Variants in CXXC5 observed in about 807,000 individuals in gnomAD.
The protein encoded by CXXC5 is CXXC-type zinc finger protein 5.
Under a neutral mutation model 17.6 loss-of-function variants are expected in CXXC5, and 2 were observed. The ratio of observed to expected loss-of-function variants is 0.11; its 90% CI spans 0.05 to 0.36. The LOEUF is 0.36. CXXC5 is among the 10% of genes least tolerant of loss of function. The pLI is 1.00. For missense variants in CXXC5, 343 were observed against 458.3 expected, an observed-to-expected ratio of 0.75 and a Z score of 2.30; for synonymous variants, 171 against 193.0, an observed-to-expected ratio of 0.89 and a Z score of 0.94.
At chr5:139,676,631 G>A (rs1313135288) in intron 1 of CXXC5, among the ~76,000 whole-genome samples, 2 of 137,426 alleles carry the variant, frequency 1.5e-5, no homozygotes, top group African/African-American at 5.6e-5. Context: ...GTCTGATCTG[G>A]TCTCCTCGCC....
At chr5:139,653,691 C>G (rs1243360510) in intron 1 of CXXC5, among the ~76,000 whole-genome samples, 1 of 152,198 alleles carries the variant, frequency 6.6e-6, no homozygotes, top group East Asian at 1.9e-4. Context: ...ACTGACTGGG[C>G]CAAGTCACCT....
intron 1 of CXXC5, among the ~76,000 whole-genome samples, chr5:139,652,147 GGCGC>G (rs34430057): frequency 0.034 from 4,681 of 136,496 alleles, 187 homozygotes; most frequent in African/African-American, 0.094. Flanking sequence ...CCTAGCCGCC[GGCGC>G]GCGCGCGCGC....
intron 1 of CXXC5, among the ~76,000 whole-genome samples, chr5:139,677,839 AGAGCGCCAGCCCT>A (rs1756939980): frequency 6.6e-6 from 1 of 152,378 alleles, no homozygotes; most frequent in South Asian, 2.1e-4. Context: ...ACACTCAGCC[AGAGCGCCAGCCCT>A]GAGCGCAGGC....
Position 139,680,948 on chromosome 5 carries a change from C to T in CXXC5, c.425C>T (p.Ala142Val). 2 of 1,601,752 alleles carry T rather than the reference C, an allele frequency of 1.2e-6. No homozygotes were observed. The highest frequency in any genetic ancestry group is 2.2e-5 in the East Asian group (1 of 44,870). ...TCAAAGCACAAAAGTGGTGCTGTGG[C>T]CAGCCTGCTGAGCAAGGCAGAGCGG... is the stretch of plus-strand genomic sequence containing the variant. Reference protein sequence around the residue: ...PTSKHKSGAVASLLSKAERAT... With the variant: ...PTSKHKSGAVVSLLSKAERAT... Residue 142 changes from alanine (A) to valine (V), a missense_variant, in exon 2 of 3, where the codon GCC (alanine) becomes GTC (valine). Physicochemically the swap from Ala to Val is moderately conservative, Grantham distance 64. Coordinates refer to ENST00000302517, the MANE Select transcript of CXXC5 (RefSeq NM_016463.9).
At chr5:139,682,814 C>G in intron 2 of CXXC5, 49 bp from the exon 3 acceptor site, 3 of 1,552,324 alleles carry the variant, frequency 1.9e-6, no homozygotes, top group East Asian at 2.5e-5. Flanking sequence ...CAGGCCTACC[C>G]GGACCCTGAC....
rs930249716 is a variant in CXXC5, at chr5:139,661,404, C to T, written c.-161+12559C>T. ...CACTTGCAGCACACGTAGTTCCACA[C>T]GACTCAGCACACCCAGCCGACACGC... On this transcript the variant is annotated intron_variant, in intron 1 of 2. Coordinates refer to ENST00000302517, the MANE Select transcript of CXXC5 (RefSeq NM_016463.9). The surrounding 1 kb of genome is among the most constrained non-coding windows in gnomAD (Gnocchi z 4.7). Among the ~76,000 whole-genome samples the T allele has an allele frequency of 6.6e-6, 1 of 152,188 alleles. No homozygotes were observed. Among genetic ancestry groups the T allele is most frequent in the Non-Finnish European group, 1.5e-5 (1 of 68,026 alleles).
Position 139,661,362 on chromosome 5 carries a change from C to T in CXXC5, c.-161+12517C>T, listed in dbSNP as rs1365905819. Among the ~76,000 whole-genome samples, 1 of 152,162 alleles carries T rather than the reference C, an allele frequency of 6.6e-6. No individual in the cohort carries two copies. The highest frequency in any genetic ancestry group is 1.9e-4 in the East Asian group (1 of 5,200). ...CACACGCGGCACACCCAGGCACACA[C>T]TTAGGACAGACACAGTCACTTGCAG... On this transcript the variant is annotated intron_variant, in intron 1 of 2. Coordinates refer to ENST00000302517, the MANE Select transcript of CXXC5 (RefSeq NM_016463.9). This position sits in a 1 kb window ranked among gnomAD's most constrained non-coding sequence, Gnocchi z 4.7.
intron 1 of CXXC5, among the ~76,000 whole-genome samples, chr5:139,653,946 C>T (rs1755348198): frequency 6.6e-6 from 1 of 152,158 alleles, no homozygotes; most frequent in African/African-American, 2.4e-5. Flanking sequence ...CCCCAGAGCA[C>T]AGGTTAGAAC....
chr5:139,659,767 CT>C (rs1755683541), intron 1 of CXXC5: 2 of 152,240 alleles, frequency 1.3e-5, no homozygotes, highest in African/African-American at 4.8e-5. Flanking sequence ...CTCCCAGGTC[CT>C]TTAGGCCCCG....
chr5:139,654,173 G>A (rs1755366511), intron 1 of CXXC5, among the ~76,000 whole-genome samples: 1 of 150,936 alleles, frequency 6.6e-6, no homozygotes, highest in African/African-American at 2.4e-5. Flanking sequence ...AACCCCCCAC[G>A]GCAGTTGTGA....
Position 139,681,460 on chromosome 5 carries a change from T to C in CXXC5, c.924+13T>C. On this transcript the variant is annotated intron_variant, in intron 2 of 2. Coordinates refer to ENST00000302517, the MANE Select transcript of CXXC5 (RefSeq NM_016463.9). ...CGCTGCTCTGGAGGTAACGGCGCCT[T>C]AGAGGGAGGTGTGTGGGCTCTTGTG... is the stretch of plus-strand genomic sequence containing the variant. 6.5e-7 allele frequency: 1 copy of C among 1,545,580 alleles called. No homozygotes were observed. The highest frequency in any genetic ancestry group is 8.7e-7 in the Non-Finnish European group (1 of 1,143,344).
intron 1 of CXXC5, among the ~76,000 whole-genome samples, chr5:139,672,005 G>T (rs1034087989): frequency 6.6e-6 from 1 of 152,216 alleles, no homozygotes; most frequent in Non-Finnish European, 1.5e-5. Context: ...AATAATAATT[G>T]TAGTAGAATC....
intron 2 of CXXC5, among the ~76,000 whole-genome samples, chr5:139,682,551 C>T (rs1057330422): frequency 6.6e-6 from 1 of 152,236 alleles, no homozygotes; most frequent in Non-Finnish European, 1.5e-5. Context: ...CTCACACGCT[C>T]ATTTACAGAA....
chr5:139,677,297 T>G (rs1160572875), intron 1 of CXXC5, among the ~76,000 whole-genome samples: 1 of 152,072 alleles, frequency 6.6e-6, no homozygotes, highest in Non-Finnish European at 1.5e-5. Flanking sequence ...CCCTGCTGCC[T>G]GGGCACTGCC....
At chr5:139,673,126 G>A (rs895502678) in intron 1 of CXXC5, among the ~76,000 whole-genome samples, 6 of 152,146 alleles carry the variant, frequency 3.9e-5, no homozygotes, top group African/African-American at 1.4e-4. Context: ...GATAGACAAG[G>A]CGTCATTACA....
rs1451897327 is a variant in CXXC5 at position 139,668,330 on chromosome 5, G to C, written c.-160-12034G>C. Among the ~76,000 whole-genome samples the C allele has an allele frequency of 6.6e-6, 1 of 152,038 alleles. No individual in the cohort carries two copies. The highest frequency in any genetic ancestry group is 1.5e-5 in the Non-Finnish European group (1 of 67,960). ...GCCTTCCCAGGCTGCCCGTCCCGCCGCGGCTCAGGGCGCCTCCCGGCTCCC... is the reference window on the plus strand; with the variant it reads ...GCCTTCCCAGGCTGCCCGTCCCGCCCCGGCTCAGGGCGCCTCCCGGCTCCC... On this transcript the variant is annotated intron_variant, in intron 1 of 2. Transcript: ENST00000302517. This position sits in a 1 kb window ranked among gnomAD's most constrained non-coding sequence, Gnocchi z 4.1.
At chr5:139,673,356 C>T (rs1756583918) in intron 1 of CXXC5, among the ~76,000 whole-genome samples, 1 of 152,192 alleles carries the variant, frequency 6.6e-6, no homozygotes, top group Non-Finnish European at 1.5e-5. Flanking sequence ...GAACCTTTGA[C>T]TCTTCCAGGA....
rs2126787599 is a variant in CXXC5 at position 139,668,974 on chromosome 5, T to G, written c.-160-11390T>G. ...GTATACCCCTCCCAGTCTCCTCTCTTGGGGGGTTGCTGAGGGGGTGGAGGT... is the reference window on the plus strand; with the variant it reads ...GTATACCCCTCCCAGTCTCCTCTCTGGGGGGGTTGCTGAGGGGGTGGAGGT... On this transcript the variant is annotated intron_variant, in intron 1 of 2. Transcript: ENST00000302517. The surrounding 1 kb of genome is among the most constrained non-coding windows in gnomAD (Gnocchi z 4.1). Among the ~76,000 whole-genome samples, 1 of 152,008 alleles carries G rather than the reference T, an allele frequency of 6.6e-6. No individual in the cohort carries two copies. The highest frequency in any genetic ancestry group is 6.5e-5 in the Admixed American group (1 of 15,280).
chr5:139,674,397 G>A (rs1371714901), intron 1 of CXXC5, among the ~76,000 whole-genome samples: 6 of 152,224 alleles, frequency 3.9e-5, no homozygotes, highest in Non-Finnish European at 7.3e-5. Context: ...AGGTGGGGGG[G>A]AGGAGACAAG....
Sources: gnomAD v4.1 joint callset for allele counts (sites outside exome capture counted in the v4.1 genomes callset) on GRCh38, gnomAD v4.1.1 for gene constraint, Gnocchi (gnomAD v3.1) non-coding constraint, MANE v1.5 for transcripts, NCBI Gene and HGNC (gene_info 2026-07-23, HGNC 2026-07-21) for gene names.